The following OPHN1 variants were observed in gnomAD, a reference collection of about 807,000 sequenced individuals.
OPHN1 encodes the protein oligophrenin-1.
In OPHN1, 11 loss-of-function variants were observed where a neutral mutation model predicts 60.7. The observed-to-expected ratio is 0.18, with a 90% CI of 0.11 to 0.30. OPHN1 has a LOEUF of 0.30. Among genes scored for constraint, OPHN1 ranks in the 10% least tolerant of loss-of-function variants. OPHN1 has a pLI of 1.00. For missense variants in OPHN1, 449 were observed against 611.0 expected (o/e 0.73, Z 2.80); for synonymous variants, 226 against 222.6 (o/e 1.02, Z -0.14).
At chrX:68,150,580 A>G (rs955937231) in intron 15 of OPHN1, among the ~76,000 whole-genome samples, 1 of 112,176 alleles carries the variant, frequency 8.9e-6, no homozygotes. Flanking sequence ...AGACTAAAGT[A>G]GATGAAAAGG....
chrX:68,422,890 A>C (rs1382322533), intron 2 of OPHN1, among the ~76,000 whole-genome samples: 2 of 111,972 alleles, frequency 1.8e-5, no homozygotes, highest in East Asian at 5.6e-4. Context: ...AAGGCCTTGG[A>C]AAGGGAAACC....
Position 68,264,592 on chromosome X carries a change from C to T in OPHN1, c.384+10146G>A, listed in dbSNP as rs551833473. Among the ~76,000 whole-genome samples the T allele has an allele frequency of 4.7e-4, 53 of 111,949 alleles. No homozygotes were observed. In the South Asian group the frequency reaches 0.019, roughly 41 times the overall value. Reference sequence around the variant, plus strand: ...AGGAACAGCTCCAGTCTACAGCTCCCAGTGTGTGCGACGTAGAAGATGGGT... The same window carrying T: ...AGGAACAGCTCCAGTCTACAGCTCCTAGTGTGTGCGACGTAGAAGATGGGT... On this transcript the variant is annotated intron_variant, in intron 5 of 24. Transcript: ENST00000355520.
rs761215882 is a variant in OPHN1, at chrX:68,110,043, G to A, written c.1526+1811C>T. Among the ~76,000 whole-genome samples, 373 of 109,978 alleles carry A rather than the reference G, an allele frequency of 3.4e-3. 3 individuals carry two copies. The highest frequency in any genetic ancestry group is 0.012 in the African/African-American group (362 of 30,275). Reference sequence around the variant, plus strand: ...TAACATATCATATACCCTGTTTTACGCTGTTTTGCTGGGTCAAAGGATAAC... The same window carrying A: ...TAACATATCATATACCCTGTTTTACACTGTTTTGCTGGGTCAAAGGATAAC... On this transcript the variant is annotated intron_variant, in intron 18 of 24. Coordinates refer to ENST00000355520, the MANE Select transcript of OPHN1 (RefSeq NM_002547.3).
intron 15 of OPHN1, among the ~76,000 whole-genome samples, chrX:68,152,113 A>G (rs1316953492): frequency 9.0e-6 from 1 of 111,163 alleles, no homozygotes; most frequent in Non-Finnish European, 1.9e-5. Context: ...AACCATCTCC[A>G]TGATCCAATC....
intron 2 of OPHN1, among the ~76,000 whole-genome samples, chrX:68,305,517 G>C (rs2078141001): frequency 8.9e-6 from 1 of 112,469 alleles, no homozygotes; most frequent in South Asian, 3.6e-4. Context: ...GACTTAAGAA[G>C]TTCCTAATCT....
intron 15 of OPHN1, among the ~76,000 whole-genome samples, chrX:68,169,295 GGAA>G (rs1435893761): frequency 1.8e-5 from 2 of 111,268 alleles, no homozygotes; most frequent in African/African-American, 6.5e-5. Context: ...ACAAAGAAAT[GGAA>G]GAACATTCCA....
At chrX:68,377,160 G>A (rs1270541104) in intron 2 of OPHN1, among the ~76,000 whole-genome samples, 7 of 103,390 alleles carry the variant, frequency 6.8e-5, no homozygotes, top group African/African-American at 7.1e-5. Context: ...GCAGTGGCAC[G>A]ATCTCAGCTC....
At chrX:68,314,971 G>A (rs1232738265) in intron 2 of OPHN1, among the ~76,000 whole-genome samples, 5 of 99,477 alleles carry the variant, frequency 5.0e-5, no homozygotes, top group African/African-American at 7.6e-5. Context: ...GGGCGACAGA[G>A]CAAGACTCCA....
At chrX:68,217,526 C>T (rs1169773714) in intron 6 of OPHN1, among the ~76,000 whole-genome samples, 2 of 110,329 alleles carry the variant, frequency 1.8e-5, no homozygotes, top group Non-Finnish European at 3.8e-5. Flanking sequence ...CTTAAATGTC[C>T]CTGTCTGACA....
chrX:68,196,148 A>G (rs2077511908), intron 12 of OPHN1, among the ~76,000 whole-genome samples: 1 of 111,806 alleles, frequency 8.9e-6, no homozygotes, highest in South Asian at 3.8e-4. Context: ...GCAATCTGGG[A>G]TCTAGTTACC....
intron 23 of OPHN1, among the ~76,000 whole-genome samples, chrX:68,049,963 G>A (rs1297928961): frequency 1.8e-5 from 2 of 112,200 alleles, no homozygotes; most frequent in Non-Finnish European, 3.8e-5. Context: ...ATGAATAAGG[G>A]GGTGATGTCA....
Position 68,133,108 on chromosome X carries a change from A to G in OPHN1, c.1277-13776T>C. On this transcript the variant is annotated intron_variant, in intron 15 of 24. Transcript: ENST00000355520. ...AGAAAATTTTTCAGAACATAAAACT[A>G]GAATACAGTCGTTATCAGAGGTGGA... 6.9e-6 allele frequency: 4 copies of G among 582,078 alleles called. No individual in the cohort carries two copies. In the South Asian group the frequency reaches 9.2e-5, roughly 13 times the overall value. 48.0% of individuals were successfully genotyped at this position (582,078 alleles called of 1,213,427 possible).
At chrX:68,140,366 C>T (rs1202427115) in intron 15 of OPHN1, among the ~76,000 whole-genome samples, 1 of 112,159 alleles carries the variant, frequency 8.9e-6, no homozygotes, top group East Asian at 2.8e-4. Flanking sequence ...AGTCTATAAT[C>T]AGAAAAGCAA....
intron 5 of OPHN1, among the ~76,000 whole-genome samples, chrX:68,268,456 AATCCAGC>A (rs1437061027): frequency 8.9e-6 from 1 of 112,044 alleles, no homozygotes; most frequent in Non-Finnish European, 1.9e-5. Flanking sequence ...CAATAAACGT[AATCCAGC>A]ATATAAACAG....
At chrX:68,303,654 A>T (rs1030884293) in intron 2 of OPHN1, among the ~76,000 whole-genome samples, 1 of 110,619 alleles carries the variant, frequency 9.0e-6, no homozygotes, top group Non-Finnish European at 1.9e-5. Context: ...ATCTCAAAAA[A>T]AAAAAAGAAA....
chrX:68,305,015 T>C (rs1602311139), intron 2 of OPHN1, among the ~76,000 whole-genome samples: 1 of 110,940 alleles, frequency 9.0e-6, no homozygotes, highest in East Asian at 2.8e-4. Flanking sequence ...TGAAGCAGTG[T>C]GACAAGCTGA....
At chrX:68,119,926 TCTC>T (rs2077143764) in intron 15 of OPHN1, among the ~76,000 whole-genome samples, 1 of 111,210 alleles carries the variant, frequency 9.0e-6, no homozygotes, top group Admixed American at 9.6e-5. Context: ...CACAGACCCT[TCTC>T]TTCTTCTTAA....
At chrX:68,288,009 T>C (rs1467471479) in intron 3 of OPHN1, among the ~76,000 whole-genome samples, 1 of 111,483 alleles carries the variant, frequency 9.0e-6, no homozygotes, top group Non-Finnish European at 1.9e-5. Flanking sequence ...AGTTGCTGAG[T>C]CAAGAAAAAC....
chrX:68,103,335 T>A (rs2077067611), intron 18 of OPHN1, among the ~76,000 whole-genome samples: 1 of 112,030 alleles, frequency 8.9e-6, no homozygotes, highest in Non-Finnish European at 1.9e-5. Context: ...AATCACTTCA[T>A]GCTAAAAACT....
Sources: allele counts gnomAD v4.1 joint callset (sites outside exome capture counted in the v4.1 genomes callset), GRCh38; gene constraint gnomAD v4.1.1; transcripts MANE v1.5; gene names NCBI Gene and HGNC (gene_info 2026-07-23, HGNC 2026-07-21).